Variants in MAST4 observed in about 807,000 individuals in gnomAD.
The protein encoded by MAST4 is microtubule associated serine/threonine kinase family member 4.
A neutral mutation model predicts 162.7 loss-of-function variants in MAST4; 89 were observed. That is an observed-to-expected ratio of 0.55 (90% CI 0.46 to 0.65). MAST4 has a LOEUF of 0.65. MAST4 is among the 30% of genes least tolerant of loss of function. The probability of loss-of-function intolerance (pLI) is 0.00; values close to 1 mark genes in which losing one functional copy is unlikely to be tolerated. For synonymous variants in MAST4, 1,479 were observed against 1,361.1 expected, an observed-to-expected ratio of 1.09 and a Z score of -1.91; for missense variants, 3,153 against 3,374.0, an observed-to-expected ratio of 0.93 and a Z score of 1.62.
intron 1 of MAST4, among the ~76,000 whole-genome samples, chr5:66,721,663 A>G (rs1466070618): frequency 1.3e-5 from 2 of 150,414 alleles, no homozygotes; most frequent in African/African-American, 2.5e-5. Flanking sequence ...CCGAATTTAT[A>G]TCACTAGCTC....
intron 1 of MAST4, among the ~76,000 whole-genome samples, chr5:66,722,860 C>T (rs571905093): frequency 1.3e-5 from 2 of 152,208 alleles, no homozygotes; most frequent in African/African-American, 2.4e-5. Context: ...TCCTTACTTC[C>T]GAGTCAGAGT....
At chr5:67,077,085 T>G (rs1221960671) in intron 5 of MAST4, among the ~76,000 whole-genome samples, 1 of 152,226 alleles carries the variant, frequency 6.6e-6, no homozygotes, top group Non-Finnish European at 1.5e-5. Flanking sequence ...GCCAATTAAG[T>G]CAGAAACTTA....
At chr5:66,998,532 T>C (rs1260477446) in intron 4 of MAST4, among the ~76,000 whole-genome samples, 1 of 152,188 alleles carries the variant, frequency 6.6e-6, no homozygotes, top group Non-Finnish European at 1.5e-5. Context: ...GAAATTGAAA[T>C]AGACAGGAAA....
intron 3 of MAST4, among the ~76,000 whole-genome samples, chr5:66,809,971 C>G (rs16895655): frequency 0.024 from 3,607 of 152,236 alleles, 135 homozygotes; most frequent in African/African-American, 0.081. Flanking sequence ...TTCTGAAGAT[C>G]TCTTATGGTA....
chr5:67,047,344 C>T (rs1285340636), intron 4 of MAST4, among the ~76,000 whole-genome samples: 1 of 152,204 alleles, frequency 6.6e-6, no homozygotes, highest in Non-Finnish European at 1.5e-5. Context: ...TGCTGGCACT[C>T]TTCCCTGGCT....
chr5:67,049,036 T>C (rs867366729), intron 4 of MAST4, among the ~76,000 whole-genome samples: 18 of 83,072 alleles, frequency 2.2e-4, no homozygotes, highest in African/African-American at 4.0e-4. Context: ...TATATATATA[T>C]ATATACGTGT....
At chr5:66,888,051 A>T (rs1259324294) in intron 3 of MAST4, among the ~76,000 whole-genome samples, 1 of 152,178 alleles carries the variant, frequency 6.6e-6, no homozygotes, top group South Asian at 2.1e-4. Context: ...TACTAAAAAA[A>T]AAAATAAAAA....
At chr5:66,873,549 G>A (rs958058996) in intron 3 of MAST4, among the ~76,000 whole-genome samples, 1 of 152,148 alleles carries the variant, frequency 6.6e-6, no homozygotes, top group African/African-American at 2.4e-5. Flanking sequence ...CGATAGAAAT[G>A]TTTAGCTTTA....
chr5:66,755,543 T>C (rs1001247247), intron 1 of MAST4, among the ~76,000 whole-genome samples: 2 of 152,192 alleles, frequency 1.3e-5, no homozygotes, highest in Admixed American at 1.3e-4. Flanking sequence ...AAATCTGTGG[T>C]GCTTATTTGC....
At position 66,742,288 on chromosome 5, in the gene MAST4, G is replaced by T. The variant is rs941054045; in HGVS notation, c.364-17421G>T. Among the ~76,000 whole-genome samples, 4 of 152,128 alleles carry T rather than the reference G, an allele frequency of 2.6e-5. No homozygotes were observed. In the East Asian group the frequency reaches 7.7e-4, roughly 29 times the overall value. On this transcript the variant is annotated intron_variant, in intron 1 of 28. Transcript: ENST00000403625. ...AGATGCCAGTGTGTTCACACTTCCC[G>T]AGGCGGCCACTGGTTGGCACTCAAG...
At chr5:66,914,822 A>G (rs1353340927) in intron 4 of MAST4, among the ~76,000 whole-genome samples, 1 of 152,192 alleles carries the variant, frequency 6.6e-6, no homozygotes, top group Non-Finnish European at 1.5e-5. Context: ...TTTGGGGACC[A>G]GGGTTTCTCT....
intron 19 of MAST4, among the ~76,000 whole-genome samples, chr5:67,137,874 T>C (rs1769867299): frequency 1.3e-5 from 2 of 152,198 alleles, no homozygotes; most frequent in Non-Finnish European, 2.9e-5. Context: ...ACTGAAATGT[T>C]TACTGTTTTG....
In MAST4 at chr5:67,136,585, G is replaced by A; in HGVS notation, c.2415G>A (p.Lys805=). The change falls in exon 19 of 29, where the codon AAG becomes AAA. Residue 805 remains lysine, a synonymous_variant. Transcript: ENST00000403625. ...TAGATGAGATCAACTGGCCTGAGAA[G>A]GATGAGGCACCCCCACCTGATGCCC... ...VISDEINWPE[K]DEAPPPDAQD... 1.2e-6 allele frequency: 2 copies of A among 1,605,628 alleles called. No homozygotes were observed. Among genetic ancestry groups the A allele is most frequent in the Non-Finnish European group, 1.7e-6 (2 of 1,175,986 alleles).
chr5:67,141,447 T>G (rs1376206217), intron 19 of MAST4, among the ~76,000 whole-genome samples: 1 of 152,210 alleles, frequency 6.6e-6, no homozygotes. Context: ...AATCGCTCTT[T>G]AAAATTATAA....
chr5:67,164,238 G>A lies in MAST4; in HGVS notation c.5059G>A (p.Asp1687Asn), dbSNP rs748219166. 5 of 1,613,894 alleles carry A rather than the reference G, an allele frequency of 3.1e-6. No individual in the cohort carries two copies. The highest frequency in any genetic ancestry group is 2.2e-5 in the South Asian group (2 of 91,032). ...EKLDSKLANIDYLRKKMSLED... is the reference protein window; with the variant it reads ...EKLDSKLANINYLRKKMSLED... ...GTTAGACAGCAAGCTGGCCAACATC[G>A]ATTACCTCCGAAAGAAAATGTCACT... is the stretch of plus-strand genomic sequence containing the variant. The change falls in exon 29 of 29, where the codon GAT (aspartate) becomes AAT (asparagine). Residue 1687 changes from aspartate to asparagine, a missense_variant. Transcript: ENST00000403625. The surrounding 1 kb of genome is among the most constrained non-coding windows in gnomAD (Gnocchi z 5.3).
chr5:66,674,810 C>T (rs569330450), intron 1 of MAST4, among the ~76,000 whole-genome samples: 57 of 152,278 alleles, frequency 3.7e-4, no homozygotes, highest in Admixed American at 1.7e-3. Flanking sequence ...TCAATAGATT[C>T]GTAGGCTGTT....
chr5:66,608,067 G>GTT lies in MAST4; in HGVS notation c.363+11060_363+11061dup, dbSNP rs201960504. On this transcript the variant is annotated intron_variant, in intron 1 of 28. Transcript: ENST00000403625. Reference sequence around the variant, plus strand: ...CCTCACATGCTTACTTTTTTTTTTTGTTTTTTTTTTTTGAGACAGAGTCTC... The same window carrying GTT: ...CCTCACATGCTTACTTTTTTTTTTTGTTTTTTTTTTTTTTGAGACAGAGTCTC... 4.9e-3 allele frequency among the ~76,000 whole-genome samples: 691 copies of GTT among 140,390 alleles called. 7 individuals are homozygous for GTT. Among genetic ancestry groups the GTT allele is most frequent in the Admixed American group, 7.4e-3 (104 of 14,084 alleles). The allele number at this position is 140,390 out of a possible 152,430, so 92.1% of individuals were successfully genotyped here. A position where few individuals can be genotyped will look rare whatever the true frequency, so the allele number is the denominator to read the frequency against.
chr5:67,157,600 A>G (rs962230331), intron 26 of MAST4, among the ~76,000 whole-genome samples: 1 of 152,200 alleles, frequency 6.6e-6, no homozygotes, highest in African/African-American at 2.4e-5. Flanking sequence ...ATTAAGTACC[A>G]GCTATGCACT....
intron 4 of MAST4, among the ~76,000 whole-genome samples, chr5:67,029,133 C>CA (rs35281187): frequency 0.24 from 33,998 of 142,476 alleles, 4,073 homozygotes; most frequent in Non-Finnish European, 0.27. Context: ...GACACTCTCT[C>CA]AAAAAAAAAA....
Sources: gnomAD v4.1 joint callset for allele counts (sites outside exome capture counted in the v4.1 genomes callset) on GRCh38, gnomAD v4.1.1 for gene constraint, Gnocchi (gnomAD v3.1) non-coding constraint, MANE v1.5 for transcripts, NCBI Gene and HGNC (gene_info 2026-07-23, HGNC 2026-07-21) for gene names.